The following TENM4 variants were observed in gnomAD, a reference collection of about 807,000 sequenced individuals.
TENM4 encodes teneurin-4.
TENM4 carries 82 observed loss-of-function variants against 243.3 expected under a neutral mutation model. The observed-to-expected ratio is 0.34, with a 90% confidence interval of 0.28 to 0.40. The LOEUF (loss-of-function observed/expected upper bound fraction) is 0.40, where lower values mean the gene tolerates loss of function less well. Ranked by LOEUF, TENM4 falls within the 10% of genes least tolerant of loss-of-function variation. TENM4 has a pLI of 1.00. For synonymous variants in TENM4, 1,412 were observed against 1,456.3 expected (o/e 0.97, Z 0.69); for missense variants, 3,138 against 3,673.3 (o/e 0.85, Z 3.77).
intron 12 of TENM4, among the ~76,000 whole-genome samples, chr11:78,816,229 A>G (rs1857602377): frequency 6.6e-6 from 1 of 152,100 alleles, no homozygotes; most frequent in Admixed American, 6.5e-5. Context: ...TAAACTCCAT[A>G]CCCTGGGCAC....
At chr11:78,886,145 GAGTTAATT>G (rs1201533683) in intron 9 of TENM4, among the ~76,000 whole-genome samples, 1 of 152,126 alleles carries the variant, frequency 6.6e-6, no homozygotes, top group Non-Finnish European at 1.5e-5. Context: ...ATTCTTAAAT[GAGTTAATT>G]AGTAAACCCA....
At chr11:79,172,841 G>A (rs1257336974) in intron 3 of TENM4, among the ~76,000 whole-genome samples, 1 of 151,858 alleles carries the variant, frequency 6.6e-6, no homozygotes, top group South Asian at 2.1e-4. Context: ...GAGTTTCTCC[G>A]TGTTGGCCAG....
At position 79,066,708 on chromosome 11, in the gene TENM4, G is replaced by A. The variant is rs139965184; in HGVS notation, c.224-1701C>T. On this transcript the variant is annotated intron_variant, in intron 5 of 33. Coordinates refer to ENST00000278550, the MANE Select transcript of TENM4 (RefSeq NM_001098816.3). ...CGCATGCACACTCGAGCACACACAC[G>A]CATGCACACTCGAGCACACACGCGC... Among the ~76,000 whole-genome samples, 255 of 144,966 alleles carry A rather than the reference G, an allele frequency of 1.8e-3. 2 individuals are homozygous for A. The highest frequency in any genetic ancestry group is 1.9e-3 in the Non-Finnish European group (126 of 66,176).
At chr11:79,387,435 C>T (rs1442912447) in intron 1 of TENM4, among the ~76,000 whole-genome samples, 1 of 152,196 alleles carries the variant, frequency 6.6e-6, no homozygotes, top group Non-Finnish European at 1.5e-5. Context: ...GGCTGTTCCA[C>T]CTTTTAACTG....
At chr11:79,219,011 C>T (rs1864109538) in intron 2 of TENM4, among the ~76,000 whole-genome samples, 1 of 152,164 alleles carries the variant, frequency 6.6e-6, no homozygotes, top group African/African-American at 2.4e-5. Flanking sequence ...CAAGACATAG[C>T]CACGGAGAAC....
chr11:79,169,538 C>T (rs2135112415), intron 3 of TENM4, among the ~76,000 whole-genome samples: 1 of 152,268 alleles, frequency 6.6e-6, no homozygotes, highest in African/African-American at 2.4e-5. Context: ...CTCAAGCTCC[C>T]CCAGAGACTG....
At chr11:78,833,525 T>C (rs1010195009) in intron 12 of TENM4, among the ~76,000 whole-genome samples, 8 of 152,224 alleles carry the variant, frequency 5.3e-5, no homozygotes, top group African/African-American at 1.7e-4. Flanking sequence ...AGGTCATTTA[T>C]CTGACCCACA....
intron 17 of TENM4, among the ~76,000 whole-genome samples, chr11:78,772,009 A>G (rs1485938212): frequency 6.6e-6 from 1 of 152,206 alleles, no homozygotes; most frequent in Non-Finnish European, 1.5e-5. Flanking sequence ...AAATTTATGT[A>G]GGCAAAAAAT....
chr11:79,237,187 T>C (rs560348877), intron 2 of TENM4, among the ~76,000 whole-genome samples: 1 of 145,676 alleles, frequency 6.9e-6, no homozygotes, highest in Non-Finnish European at 1.5e-5. Context: ...AGAAGAGATT[T>C]TTTTATGTCT....
chr11:78,936,612 A>C (rs1200461149), intron 6 of TENM4, among the ~76,000 whole-genome samples: 1 of 152,208 alleles, frequency 6.6e-6, no homozygotes, highest in African/African-American at 2.4e-5. Flanking sequence ...TAGCTATGGG[A>C]AGTAGGAACT....
chr11:79,302,329 TC>T (rs1856562389), intron 1 of TENM4, among the ~76,000 whole-genome samples: 1 of 152,116 alleles, frequency 6.6e-6, no homozygotes, highest in African/African-American at 2.4e-5. Context: ...AACTCAAAGC[TC>T]TGGCTTGGGC....
At chr11:79,002,152 C>T (rs2136707183) in intron 6 of TENM4, among the ~76,000 whole-genome samples, 1 of 152,266 alleles carries the variant, frequency 6.6e-6, no homozygotes, top group East Asian at 1.9e-4. Flanking sequence ...GGCATGAAAG[C>T]ACATACAAAC....
chr11:79,194,272 G>A (rs1863577046), intron 3 of TENM4, among the ~76,000 whole-genome samples: 1 of 151,768 alleles, frequency 6.6e-6, no homozygotes, highest in Non-Finnish European at 1.5e-5. Context: ...TCAACAGCAT[G>A]AAAACGGACT....
chr11:79,241,649 C>G (rs538588573), intron 2 of TENM4, among the ~76,000 whole-genome samples: 315 of 152,252 alleles, frequency 2.1e-3, no homozygotes, highest in African/African-American at 6.8e-3. Context: ...CTCATTGTAG[C>G]CTGTCACTAC....
chr11:78,872,505 A>G (rs183211893), intron 9 of TENM4, among the ~76,000 whole-genome samples: 9 of 152,318 alleles, frequency 5.9e-5, no homozygotes, highest in Admixed American at 1.3e-4. Flanking sequence ...CAAGTGTGCC[A>G]TCATCACATT....
intron 1 of TENM4, among the ~76,000 whole-genome samples, chr11:79,413,906 C>A (rs984991234): frequency 6.6e-6 from 1 of 151,990 alleles, no homozygotes; most frequent in African/African-American, 2.4e-5. Context: ...TATGCATGCA[C>A]ACACTGATAA....
At chr11:78,917,546 CA>C in intron 6 of TENM4, among the ~76,000 whole-genome samples, 1 of 152,156 alleles carries the variant, frequency 6.6e-6, no homozygotes. Flanking sequence ...TTCCATCCAT[CA>C]ATGTCCATAA....
intron 1 of TENM4, among the ~76,000 whole-genome samples, chr11:79,403,758 A>C (rs1858509785): frequency 6.6e-6 from 1 of 152,108 alleles, no homozygotes; most frequent in Non-Finnish European, 1.5e-5. Context: ...CAGAAATGGC[A>C]TTCAGCACTT....
chr11:79,236,278 C>T (rs996286933), intron 2 of TENM4, among the ~76,000 whole-genome samples: 1 of 152,216 alleles, frequency 6.6e-6, no homozygotes, highest in African/African-American at 2.4e-5. Flanking sequence ...TTGTGGAAAT[C>T]CTTCGGATGC....
Sources: allele counts gnomAD v4.1 joint callset (sites outside exome capture counted in the v4.1 genomes callset), GRCh38; gene constraint gnomAD v4.1.1; transcripts MANE v1.5; gene names NCBI Gene and HGNC (gene_info 2026-07-23, HGNC 2026-07-21).